The following DSE variants were observed in gnomAD, a reference collection of about 807,000 sequenced individuals.
DSE encodes the protein dermatan-sulfate epimerase.
A neutral mutation model predicts 84.4 loss-of-function variants in DSE; 36 were observed. The ratio of observed to expected loss-of-function variants is 0.43; its 90% CI spans 0.33 to 0.56. DSE has a LOEUF of 0.56. Among genes scored for constraint, DSE ranks in the 20% least tolerant of loss-of-function variants. The pLI, the probability that DSE is intolerant of heterozygous loss-of-function variation, is 0.06. For missense variants in DSE, 862 were observed against 1,169.6 expected (o/e 0.74, Z 3.84); for synonymous variants, 410 against 430.1 (o/e 0.95, Z 0.58).
chr6:116,425,582 A>G (rs1783376029), intron 2 of DSE, among the ~76,000 whole-genome samples: 1 of 151,570 alleles, frequency 6.6e-6, no homozygotes, highest in African/African-American at 2.4e-5. Context: ...GAAAATGACA[A>G]TGTAATTCTT....
chr6:116,348,064 A>G (rs1778094273), intron 2 of DSE, among the ~76,000 whole-genome samples: 1 of 152,250 alleles, frequency 6.6e-6, no homozygotes, highest in South Asian at 2.1e-4. Context: ...ATCACTGGCC[A>G]TCAGAGAAAT....
intron 1 of DSE, among the ~76,000 whole-genome samples, chr6:116,393,543 C>G (rs1319411188): frequency 6.6e-6 from 1 of 152,168 alleles, no homozygotes; most frequent in Admixed American, 6.5e-5. Context: ...ATGTCATGTT[C>G]TATGCTAAGT....
At chr6:116,299,549 T>TACACACACACAC (rs1562213592) in intron 2 of DSE, among the ~76,000 whole-genome samples, 1 of 50,824 alleles carries the variant, frequency 2.0e-5, no homozygotes, top group Admixed American at 2.2e-4. Flanking sequence ...TATATATATA[T>TACACACACACAC]ATACACATAC....
chr6:116,351,526 C>T (rs1778309239), intron 2 of DSE, among the ~76,000 whole-genome samples: 1 of 152,086 alleles, frequency 6.6e-6, no homozygotes, highest in African/African-American at 2.4e-5. Flanking sequence ...ATCACAACTA[C>T]ATTCTATTCC....
intron 5 of DSE, 151 bp downstream of exon 5, chr6:116,433,701 C>A: frequency 2.3e-6 from 2 of 869,194 alleles, no homozygotes; most frequent in Non-Finnish European, 1.7e-6. Flanking sequence ...TTCAATTCAA[C>A]TCATATCACT....
chr6:116,291,854 T>C (rs1391766307), intron 2 of DSE, among the ~76,000 whole-genome samples: 1 of 152,046 alleles, frequency 6.6e-6, no homozygotes, highest in Non-Finnish European at 1.5e-5. Flanking sequence ...AAACTAGATA[T>C]GAAAGTAGAC....
chr6:116,427,456 T>G (rs1010630107), intron 3 of DSE, among the ~76,000 whole-genome samples: 1 of 152,210 alleles, frequency 6.6e-6, no homozygotes, highest in Non-Finnish European at 1.5e-5. Flanking sequence ...TCACAGGGAA[T>G]TATCAGAATA....
At chr6:116,347,623 C>T (rs1235397709) in intron 2 of DSE, among the ~76,000 whole-genome samples, 1 of 152,196 alleles carries the variant, frequency 6.6e-6, no homozygotes, top group African/African-American at 2.4e-5. Context: ...CCCTTCCTTA[C>T]ACCGCATACA....
At chr6:116,333,019 T>C (rs1777040723) in intron 2 of DSE, among the ~76,000 whole-genome samples, 1 of 152,354 alleles carries the variant, frequency 6.6e-6, no homozygotes, top group South Asian at 2.1e-4. Flanking sequence ...AGAATCCTGA[T>C]AATCTCAACT....
intron 1 of DSE, among the ~76,000 whole-genome samples, chr6:116,387,397 G>A (rs1354491163): frequency 2.6e-5 from 4 of 152,206 alleles, no homozygotes; most frequent in African/African-American, 4.8e-5. Flanking sequence ...AGAAAATGTA[G>A]TGAAGAAGTT....
chr6:116,263,455 G>C lies in DSE; in HGVS notation c.-54+4488G>C, dbSNP rs553611766. On this transcript the variant is annotated intron_variant, in intron 2 of 3. Transcript: ENST00000430252. ...GCTTTTTTCTGTTTTCCATTTGCTT[G>C]GTGAATTTTCTCCATCCCTTTATTT... Among the ~76,000 whole-genome samples, 3 of 151,802 alleles carry C rather than the reference G, an allele frequency of 2.0e-5. No individual in the cohort carries two copies. In the East Asian group the frequency reaches 5.8e-4, roughly 29 times the overall value.
chr6:116,392,879 A>G (rs933413495), intron 1 of DSE, among the ~76,000 whole-genome samples: 1 of 152,186 alleles, frequency 6.6e-6, no homozygotes, highest in Admixed American at 6.5e-5. Context: ...TGTGAGAGGT[A>G]GGGAAGCCTA....
At chr6:116,317,529 A>G (rs1004187450) in intron 2 of DSE, among the ~76,000 whole-genome samples, 1 of 152,228 alleles carries the variant, frequency 6.6e-6, no homozygotes, top group African/African-American at 2.4e-5. Context: ...TTTAGTAAGG[A>G]TGCTTAGTAA....
At chr6:116,434,742 T>A (rs747109172) in intron 5 of DSE, among the ~76,000 whole-genome samples, 1 of 152,198 alleles carries the variant, frequency 6.6e-6, no homozygotes, top group Non-Finnish European at 1.5e-5. Flanking sequence ...AGTAGAGATA[T>A]AATTTCTGAT....
At position 116,279,850 on chromosome 6, in the gene DSE, A is replaced by C. The variant is rs765798716; in HGVS notation, c.-54+20883A>C. The C allele has an allele frequency of 6.8e-6, 11 of 1,613,000 alleles. No individual in the cohort carries two copies. The South Asian group carries it at 1.2e-4, about 18-fold the overall frequency. ...GCTCATGTTGCTAACAGTCGGACCA[A>C]CCGCAGGCGAACGCCCGTTTTCCTC... On this transcript the variant is annotated intron_variant, in intron 2 of 3. Transcript: ENST00000430252.
intron 2 of DSE, among the ~76,000 whole-genome samples, chr6:116,343,261 T>G (rs1270857964): frequency 6.6e-6 from 1 of 152,194 alleles, no homozygotes; most frequent in Admixed American, 6.5e-5. Context: ...TTCTGCAGAC[T>G]TAAACGTCCC....
At chr6:116,341,203 T>C (rs1024315622) in intron 2 of DSE, among the ~76,000 whole-genome samples, 6 of 152,234 alleles carry the variant, frequency 3.9e-5, no homozygotes, top group African/African-American at 1.4e-4. Flanking sequence ...TGGTATCTCA[T>C]TGTGAATTTG....
rs748854570 is a variant in DSE at position 116,300,157 on chromosome 6, A to G, written c.-54+41190A>G. 8.8e-4 allele frequency among the ~76,000 whole-genome samples: 134 copies of G among 152,300 alleles called. 3 individuals carry two copies. The highest frequency in any genetic ancestry group is 3.9e-3 in the South Asian group (19 of 4,826). ...CAGAAAGAGATTTTATTTTTGCCCC[A>G]ACCTACTGAATTTGTACTTCCAGAG... On this transcript the variant is annotated intron_variant, in intron 2 of 3. Coordinates refer to the DSE transcript ENST00000430252.
intron 2 of DSE, among the ~76,000 whole-genome samples, chr6:116,297,729 A>G (rs1274706154): frequency 6.6e-6 from 1 of 152,190 alleles, no homozygotes; most frequent in African/African-American, 2.4e-5. Context: ...CACTTTTGTC[A>G]AACCAGGAAA....
Sources: gnomAD v4.1 joint callset for allele counts (sites outside exome capture counted in the v4.1 genomes callset) on GRCh38, gnomAD v4.1.1 for gene constraint, MANE v1.5 for transcripts, NCBI Gene and HGNC (gene_info 2026-07-23, HGNC 2026-07-21) for gene names.